The following CACNA1B variants were observed in gnomAD, a reference collection of about 807,000 sequenced individuals.
CACNA1B encodes calcium voltage-gated channel subunit alpha1 B.
A neutral mutation model predicts 247.2 loss-of-function variants in CACNA1B; 70 were observed. That is an observed-to-expected ratio of 0.28 (90% CI 0.23 to 0.35). CACNA1B has a LOEUF of 0.35. Ranked by LOEUF, CACNA1B falls within the 10% of genes least tolerant of loss-of-function variation. The pLI is 1.00. For missense variants in CACNA1B, 2,367 were observed against 3,197.4 expected (o/e 0.74, Z 6.26); for synonymous variants, 1,231 against 1,294.4 (o/e 0.95, Z 1.05).
rs753532625 is a variant in CACNA1B, at chr9:138,052,057, C to G, written c.3711-35C>G. On this transcript the variant is annotated intron_variant, in intron 24 of 46. Coordinates refer to ENST00000371372, the MANE Select transcript of CACNA1B (RefSeq NM_000718.4). The surrounding 1 kb of genome is among the most constrained non-coding windows in gnomAD (Gnocchi z 5.1). The stretch of plus-strand genomic sequence containing the variant: ...GTGGGAGCTGGGCACACCCATGCCT[C>G]CTGCCTGTCTGCATCTGTGGCTTCT... The G allele has an allele frequency of 3.1e-6, 4 of 1,285,658 alleles. No individual in the cohort carries two copies. Among genetic ancestry groups the G allele is most frequent in the Non-Finnish European group, 4.5e-6 (4 of 886,654 alleles). The allele number at this position is 1,285,658 out of a possible 1,614,324, so 79.6% of individuals were successfully genotyped here. A position where few individuals can be genotyped will look rare whatever the true frequency, so the allele number is the denominator to read the frequency against.
chr9:137,935,388 A>G (rs1957654383), intron 6 of CACNA1B, among the ~76,000 whole-genome samples: 4 of 152,136 alleles, frequency 2.6e-5, no homozygotes. Flanking sequence ...TTTGCTCAGA[A>G]TGATGGTTTC....
At chr9:137,892,121 C>T (rs1383752956) in intron 3 of CACNA1B, 1 of 456,956 alleles carries the variant, frequency 2.2e-6, no homozygotes, top group East Asian at 7.0e-5. Flanking sequence ...CCTGCTGGCT[C>T]ACCACAAAGC....
rs79400016 is a variant in CACNA1B at position 138,121,703 on chromosome 9, G to C, written c.6724G>C (p.Asp2242His). ...LSEHNALLQR[D>H]PLSQPLAPGS... is the part of the protein sequence containing the mutation. ...CGAACACAACGCCCTGCTGCAGAGA[G>C]ACCCCCTCAGCCAGCCCCTGGCCCC... Residue 2242 changes from aspartate (D) to histidine (H), a missense_variant, in exon 47 of 47, where the codon GAC becomes CAC. Transcript: ENST00000371372. This position sits in a 1 kb window ranked among gnomAD's most constrained non-coding sequence, Gnocchi z 6.8. 1,585 of 1,613,280 alleles carry C rather than the reference G, an allele frequency of 9.8e-4. 2 individuals are homozygous for C. Among genetic ancestry groups the C allele is most frequent in the Non-Finnish European group, 1.2e-3 (1,414 of 1,179,808 alleles).
In CACNA1B at chr9:137,919,553, A is replaced by G. The variant is rs950346010; in HGVS notation, c.966+2122A>G. ...TACAGGGTCGGTCACTGGAGATTAG[A>G]CAGGAGTTTTGAAGAGGATCCTTTG... On this transcript the variant is annotated intron_variant, in intron 6 of 46. Transcript: ENST00000371372. This position sits in a 1 kb window ranked among gnomAD's most constrained non-coding sequence, Gnocchi z 4.6. Among the ~76,000 whole-genome samples, 3 of 152,252 alleles carry G rather than the reference A, an allele frequency of 2.0e-5. No homozygotes were observed. Among genetic ancestry groups the G allele is most frequent in the East Asian group, 1.9e-4 (1 of 5,188 alleles).
At chr9:138,084,520 A>G (rs894691565) in intron 36 of CACNA1B, among the ~76,000 whole-genome samples, 1 of 151,392 alleles carries the variant, frequency 6.6e-6, no homozygotes, top group African/African-American at 2.4e-5. Context: ...TAGGGAGACT[A>G]TACCACTGCA....
chr9:138,022,760 C>T (rs1318657725), intron 18 of CACNA1B, among the ~76,000 whole-genome samples: 1 of 151,276 alleles, frequency 6.6e-6, no homozygotes, highest in African/African-American at 2.4e-5. Context: ...CCAGGGTCCT[C>T]CTGACAGGCT....
rs770337824 is a variant in CACNA1B at position 137,974,272 on chromosome 9, G to A, written c.1544-1635G>A. On this transcript the variant is annotated intron_variant, in intron 11 of 46. Transcript: ENST00000371372. The surrounding 1 kb of genome is among the most constrained non-coding windows in gnomAD (Gnocchi z 4.5). Reference sequence around the variant, plus strand: ...TGAGGGTGGATCCTTCCATTCCCGAGCAGCCCTGCCTGAGGGTCGCTGGGC... The same window carrying A: ...TGAGGGTGGATCCTTCCATTCCCGAACAGCCCTGCCTGAGGGTCGCTGGGC... Among the ~76,000 whole-genome samples, 16 of 152,220 alleles carry A rather than the reference G, an allele frequency of 1.1e-4. No homozygotes were observed. Among genetic ancestry groups the A allele is most frequent in the Non-Finnish European group, 2.1e-4 (14 of 68,038 alleles).
intron 20 of CACNA1B, among the ~76,000 whole-genome samples, chr9:138,027,752 T>A (rs1453720261): frequency 1.3e-5 from 2 of 152,252 alleles, no homozygotes; most frequent in Admixed American, 6.5e-5. Context: ...ATGAATTTTT[T>A]GATATGAAAT....
At chr9:138,106,729 A>C (rs1406505667) in intron 39 of CACNA1B, among the ~76,000 whole-genome samples, 1 of 152,114 alleles carries the variant, frequency 6.6e-6, no homozygotes, top group African/African-American at 2.4e-5. Flanking sequence ...GTACCACGGC[A>C]CTCCAGCCTG....
intron 36 of CACNA1B, among the ~76,000 whole-genome samples, chr9:138,087,398 A>AAG (rs1564280106): frequency 6.9e-6 from 1 of 144,596 alleles, no homozygotes; most frequent in Non-Finnish European, 1.5e-5. Context: ...AAAAAAAAAA[A>AAG]AAAAAGAAAA....
intron 45 of CACNA1B, 75 bp from the exon 46 acceptor site, chr9:138,120,556 T>A: frequency 6.9e-7 from 1 of 1,440,778 alleles, no homozygotes; most frequent in Non-Finnish European, 9.2e-7. Flanking sequence ...ACCTGAATTC[T>A]GTCCTGCTGG....
chr9:138,069,852 C>T, intron 32 of CACNA1B, 89 bp downstream of exon 32: 3 of 1,140,492 alleles, frequency 2.6e-6, no homozygotes, highest in Non-Finnish European at 2.7e-6. Context: ...GGACTCCAGC[C>T]CACTGCCCTC....
chr9:138,002,242 A>T (rs1398427604), intron 15 of CACNA1B, among the ~76,000 whole-genome samples: 2 of 152,228 alleles, frequency 1.3e-5, no homozygotes, highest in Non-Finnish European at 2.9e-5. Context: ...TATGAGAAAG[A>T]TGTCATTGGA....
chr9:138,046,786 C>T, intron 21 of CACNA1B, 118 bp from the exon 22 acceptor site: 1 of 932,840 alleles, frequency 1.1e-6, no homozygotes, highest in South Asian at 1.7e-5. Flanking sequence ...AGCTCTGGGG[C>T]CACAGCTTCC....
chr9:138,060,121 G>A (rs1023574363), intron 31 of CACNA1B, among the ~76,000 whole-genome samples: 1 of 151,994 alleles, frequency 6.6e-6, no homozygotes, highest in African/African-American at 2.4e-5. Context: ...GCCCCCCACC[G>A]TCTCTCTATC....
At position 138,025,454 on chromosome 9, in the gene CACNA1B, A is replaced by G. The variant is rs116651470; in HGVS notation, c.3286+282A>G. Among the ~76,000 whole-genome samples the G allele has an allele frequency of 9.9e-3, 1,515 of 152,298 alleles. 29 individuals are homozygous for G. Among genetic ancestry groups the G allele is most frequent in the African/African-American group, 0.034 (1,425 of 41,556 alleles). ...GGTGCTGTGTTAGAGTGCTGAGAGC[A>G]TAGTAGGAGGGAGACAGTCTTGTCA... On this transcript the variant is annotated intron_variant, in intron 20 of 46. Transcript: ENST00000371372.
chr9:137,955,468 G>A lies in CACNA1B; in HGVS notation c.1071-230G>A, dbSNP rs182171929. 1.3e-4 allele frequency among the ~76,000 whole-genome samples: 20 copies of A among 152,344 alleles called. No homozygotes were observed. Among genetic ancestry groups the A allele is most frequent in the Admixed American group, 1.3e-3 (20 of 15,312 alleles). Reference sequence around the variant, plus strand: ...GAGTCTGAGGATGGAGGGCCACCTGGGCTGCTCATGGAGGCCCTCTGGGTG... The same window carrying A: ...GAGTCTGAGGATGGAGGGCCACCTGAGCTGCTCATGGAGGCCCTCTGGGTG... On this transcript the variant is annotated intron_variant, in intron 7 of 46. Transcript: ENST00000371372. This position sits in a 1 kb window ranked among gnomAD's most constrained non-coding sequence, Gnocchi z 6.9.
At chr9:137,970,599 G>T (rs1191047307) in intron 10 of CACNA1B, among the ~76,000 whole-genome samples, 2 of 152,210 alleles carry the variant, frequency 1.3e-5, no homozygotes, top group African/African-American at 4.8e-5. Context: ...TGAGCCGAGG[G>T]CCCTGTTCTA....
At position 137,976,017 on chromosome 9, in the gene CACNA1B, G is replaced by T. The variant is rs1179107763; in HGVS notation, c.1654G>T (p.Gly552Trp). ...FRSSFNCFDF[G>W]VIVGSVFEVV... ...GTCCTCCTTCAACTGCTTCGACTTT[G>T]GGGTGAGTGAGAGGCCTGATCAGGG... is the stretch of plus-strand genomic sequence containing the variant. The change falls in exon 12 of 47, where the codon GGG becomes TGG. Residue 552 changes from glycine to tryptophan, a missense_variant and splice_region_variant. Around this residue, in one of 12 missense-constraint regions of CACNA1B, gnomAD observed 219 missense variants for 297.6 expected, o/e 0.74. Transcript: ENST00000371372. The T allele has an allele frequency of 2.0e-5, 32 of 1,594,136 alleles. No homozygotes were observed. Among genetic ancestry groups the T allele is most frequent in the African/African-American group, 4.0e-5 (3 of 74,548 alleles).
Sources: gnomAD v4.1 joint callset for allele counts (sites outside exome capture counted in the v4.1 genomes callset) on GRCh38, gnomAD v4.1.1 for gene constraint, gnomAD v4.1.1 regional missense constraint, Gnocchi (gnomAD v3.1) non-coding constraint, MANE v1.5 for transcripts, NCBI Gene and HGNC (gene_info 2026-07-23, HGNC 2026-07-21) for gene names.